SLC9A4: variants seen among roughly 807,000 people sequenced by gnomAD.
The protein encoded by SLC9A4 is sodium/hydrogen exchanger 4.
In SLC9A4, 63 loss-of-function variants were observed where a neutral mutation model predicts 67.4. The ratio of observed to expected loss-of-function variants is 0.93; its 90% confidence interval spans 0.76 to 1.15. The LOEUF is 1.15. Ranked by LOEUF, SLC9A4 falls within the 50% of genes most tolerant of loss-of-function variation. The probability of loss-of-function intolerance (pLI) is 0.00; values close to 1 mark genes in which losing one functional copy is unlikely to be tolerated. For missense variants in SLC9A4, 1,089 were observed against 987.7 expected (o/e 1.10, Z -1.38); for synonymous variants, 393 against 367.2 (o/e 1.07, Z -0.80).
chr2:102,475,239 C>A (rs1169813599), intron 1 of SLC9A4, among the ~76,000 whole-genome samples: 3 of 152,204 alleles, frequency 2.0e-5, no homozygotes, highest in Non-Finnish European at 4.4e-5. Flanking sequence ...AGTCTAACAT[C>A]TTTTGTGAAA....
Position 102,479,309 on chromosome 2 carries a change from T to C in SLC9A4, c.720+7T>C, listed in dbSNP as rs767373754. On this transcript the variant is annotated splice_region_variant and intron_variant, in intron 2 of 11. Transcript: ENST00000295269. ...CAATGATGGCATTACTGTGGTGAGA[T>C]GTCATGTGCCCGCCCGGCTTCCGGG... The C allele has an allele frequency of 6.3e-7, 1 of 1,598,670 alleles. No individual in the cohort carries two copies. The highest frequency in any genetic ancestry group is 1.7e-5 in the Admixed American group (1 of 59,766).
In SLC9A4 at chr2:102,508,885, TA is replaced by T; in HGVS notation, c.1447del (p.Thr483ProfsTer15). 3 of 1,613,118 alleles carry T rather than the reference TA, an allele frequency of 1.9e-6. No individual in the cohort carries two copies. The highest frequency in any genetic ancestry group is 2.2e-5 in the East Asian group (1 of 44,834). Reference protein sequence around the residue: ...VGPLVRYLDVKKTNKKESINE... With the variant: ...VGPLVRYLDVXKTNKKESINE... ...GCCCTCTGGTCAGGTACCTGGATGTTAAAAAAACCAATAAAAAAGAATCCAT... is the reference window on the plus strand; with the variant it reads ...GCCCTCTGGTCAGGTACCTGGATGTTAAAAAACCAATAAAAAAGAATCCAT... On this transcript the variant is annotated frameshift_variant, in exon 6 of 12. Coordinates refer to ENST00000295269, the MANE Select transcript of SLC9A4 (RefSeq NM_001011552.4). LOFTEE classifies it high-confidence loss of function.
chr2:102,501,052 G>A (rs1341428796), intron 2 of SLC9A4, among the ~76,000 whole-genome samples: 5 of 142,454 alleles, frequency 3.5e-5, no homozygotes, highest in African/African-American at 7.9e-5. Context: ...CTCGCCTCTC[G>A]GGTTCAAGTG....
intron 8 of SLC9A4, among the ~76,000 whole-genome samples, chr2:102,518,798 C>A (rs1220736244): frequency 3.9e-5 from 6 of 152,022 alleles, no homozygotes; most frequent in Non-Finnish European, 7.4e-5. Flanking sequence ...AGAGCATATG[C>A]AAGCAGATAT....
At chr2:102,514,365 G>T (rs921209281) in intron 8 of SLC9A4, 114 bp downstream of exon 8, 2 of 651,880 alleles carry the variant, frequency 3.1e-6, no homozygotes, top group South Asian at 3.9e-5. Context: ...ATATAAAGAA[G>T]AAATTATTTT....
intron 7 of SLC9A4, 81 bp downstream of exon 7, chr2:102,512,354 A>G: frequency 1.3e-6 from 2 of 1,483,558 alleles, no homozygotes; most frequent in Non-Finnish European, 1.9e-6. Flanking sequence ...GAGAGAATTC[A>G]GGGAATGGAG....
Position 102,533,567 on chromosome 2 carries a change from T to C in SLC9A4, c.*879T>C, listed in dbSNP as rs1674824226. 1 of 151,876 alleles carries C rather than the reference T, an allele frequency of 6.6e-6. No individual in the cohort carries two copies. The highest frequency in any genetic ancestry group is 2.4e-5 in the African/African-American group (1 of 41,406). The allele number at this position is 151,876 out of a possible 1,614,324, so 9.4% of individuals were successfully genotyped here. On this transcript the variant is annotated 3_prime_UTR_variant, in exon 12 of 12. Transcript: ENST00000295269. ...TGCAGGTTAGTTACATATGTATACA[T>C]GTGCCATGCTGGTGTGCTGCACCCG... is the stretch of plus-strand genomic sequence containing the variant.
At chr2:102,513,707 T>G (rs988606769) in intron 7 of SLC9A4, among the ~76,000 whole-genome samples, 4 of 152,256 alleles carry the variant, frequency 2.6e-5, no homozygotes, top group African/African-American at 9.6e-5. Context: ...GCCGCTGTTA[T>G]GCGCTATTAG....
chr2:102,527,282 A>G (rs1008318214), intron 11 of SLC9A4, among the ~76,000 whole-genome samples: 14 of 152,166 alleles, frequency 9.2e-5, no homozygotes, highest in African/African-American at 3.1e-4. Flanking sequence ...AAAAATCACA[A>G]AAACATTGCA....
chr2:102,523,520 C>T (rs867115037), intron 9 of SLC9A4, among the ~76,000 whole-genome samples: 4 of 152,146 alleles, frequency 2.6e-5, no homozygotes, highest in African/African-American at 7.2e-5. Flanking sequence ...ACTAATAGAG[C>T]TTAATCTGTT....
chr2:102,532,350 G>T lies in SLC9A4; in HGVS notation c.2059G>T (p.Gly687Ter). 6.2e-7 allele frequency: 1 copy of T among 1,613,288 alleles called. No homozygotes were observed. Among genetic ancestry groups the T allele is most frequent in the Non-Finnish European group, 8.5e-7 (1 of 1,179,510 alleles). Reference protein sequence around the residue: ...GFSDDDSSDPGSPSITFSACS... With the variant: ...GFSDDDSSDP The stretch of plus-strand genomic sequence containing the variant: ...CCTAGATGATGACAGCAGTGATCCA[G>T]GATCCCCATCCATCACGTTCAGCGC... The change falls in exon 12 of 12, where the codon GGA becomes TGA. Residue 687 changes from glycine (G) to a stop codon, truncating the protein, a stop_gained. Coordinates refer to ENST00000295269, the MANE Select transcript of SLC9A4 (RefSeq NM_001011552.4). LOFTEE classifies it low-confidence loss of function (END_TRUNC).
chr2:102,483,837 T>TACACACACACAC (rs1361861820), intron 2 of SLC9A4, among the ~76,000 whole-genome samples: 16 of 121,812 alleles, frequency 1.3e-4, no homozygotes, highest in African/African-American at 5.6e-4. Context: ...TATATATATA[T>TACACACACACAC]ATATACACAC....
intron 9 of SLC9A4, among the ~76,000 whole-genome samples, chr2:102,523,023 C>A (rs115508175): frequency 0.013 from 1,927 of 151,490 alleles, 32 homozygotes; most frequent in African/African-American, 0.044. Flanking sequence ...GGCTAGAGTG[C>A]GGTGGCATGA....
At chr2:102,522,928 C>G (rs969937097) in intron 9 of SLC9A4, among the ~76,000 whole-genome samples, 1 of 152,052 alleles carries the variant, frequency 6.6e-6, no homozygotes, top group African/African-American at 2.4e-5. Flanking sequence ...TGGATTTACC[C>G]CTCCCTCACT....
At chr2:102,474,611 C>T (rs938489652) in intron 1 of SLC9A4, among the ~76,000 whole-genome samples, 4 of 152,104 alleles carry the variant, frequency 2.6e-5, no homozygotes, top group African/African-American at 9.7e-5. Context: ...CAGTGAGGCA[C>T]CTCTAATTTC....
chr2:102,525,894 T>C (rs1207723473), intron 10 of SLC9A4, among the ~76,000 whole-genome samples: 2 of 152,112 alleles, frequency 1.3e-5, no homozygotes, highest in African/African-American at 4.8e-5. Context: ...TTTTATTATA[T>C]TAGTTTTGAG....
intron 2 of SLC9A4, among the ~76,000 whole-genome samples, chr2:102,498,367 C>T (rs1684854022): frequency 6.6e-6 from 1 of 152,242 alleles, no homozygotes. Flanking sequence ...AGAGACAAGG[C>T]TGGCCCAGTT....
chr2:102,507,720 A>G (rs1033038713), intron 4 of SLC9A4, among the ~76,000 whole-genome samples: 2 of 152,174 alleles, frequency 1.3e-5, no homozygotes, highest in Admixed American at 6.5e-5. Flanking sequence ...CCACTCAACA[A>G]TATCCTTGCT....
At position 102,474,030 on chromosome 2, in the gene SLC9A4, A is replaced by G. The variant is rs371139309; in HGVS notation, c.256+15A>G. The G allele has an allele frequency of 2.7e-5, 43 of 1,609,658 alleles. No homozygotes were observed. The highest frequency in any genetic ancestry group is 3.4e-5 in the Non-Finnish European group (40 of 1,177,134). ...TGCAAAAATAGGTAAGTCCTTAAAC[A>G]CCTGGTTTGGTGAGTTATCTTTTTA... On this transcript the variant is annotated intron_variant, in intron 1 of 11. Coordinates refer to ENST00000295269, the MANE Select transcript of SLC9A4 (RefSeq NM_001011552.4).
Sources: gnomAD v4.1 joint callset for allele counts (sites outside exome capture counted in the v4.1 genomes callset) on GRCh38, gnomAD v4.1.1 for gene constraint, MANE v1.5 for transcripts, NCBI Gene and HGNC (gene_info 2026-07-23, HGNC 2026-07-21) for gene names.